CNOT1: variants seen among roughly 807,000 people sequenced by gnomAD.
The protein encoded by CNOT1 is CCR4-NOT transcription complex subunit 1, also known as CCR4-associated factor 1.
A neutral mutation model predicts 273.8 loss-of-function variants in CNOT1; 15 were observed. That is an observed-to-expected ratio of 0.05 (90% confidence interval 0.04 to 0.08). The LOEUF (loss-of-function observed/expected upper bound fraction) is 0.08. CNOT1 is among the 10% of genes least tolerant of loss of function. CNOT1 has a pLI of 1.00. For synonymous variants in CNOT1, 1,022 were observed against 1,005.5 expected (o/e 1.02, Z -0.31); for missense variants, 1,644 against 2,912.2 (o/e 0.56, Z 10.02).
At chr16:58,582,924 T>A in intron 9 of CNOT1, 21 bp from the exon 10 acceptor site, 1 of 1,613,516 alleles carries the variant, frequency 6.2e-7, no homozygotes, top group African/African-American at 1.3e-5. Flanking sequence ...AAAACTTGAA[T>A]TAAACAAACC....
chr16:58,607,108 T>C (rs956211487), intron 1 of CNOT1, among the ~76,000 whole-genome samples: 2 of 152,208 alleles, frequency 1.3e-5, no homozygotes, highest in African/African-American at 4.8e-5. Context: ...TGCAGAACTC[T>C]TGAATAGCAT....
intron 16 of CNOT1, among the ~76,000 whole-genome samples, chr16:58,573,687 TAGTC>T (rs1335216753): frequency 6.6e-6 from 1 of 151,894 alleles, no homozygotes; most frequent in African/African-American, 2.4e-5. Flanking sequence ...TTCACCGTGT[TAGTC>T]AGGATGGTCT....
At chr16:58,590,785 A>C (rs888361605) in intron 2 of CNOT1, among the ~76,000 whole-genome samples, 1 of 152,198 alleles carries the variant, frequency 6.6e-6, no homozygotes, top group African/African-American at 2.4e-5. Context: ...ATAAAACAAA[A>C]AAGAACAGAA....
At chr16:58,551,552 A>G (rs2040450253) in intron 23 of CNOT1, 37 bp downstream of exon 23, 1 of 1,587,782 alleles carries the variant, frequency 6.3e-7, no homozygotes, top group Non-Finnish European at 8.6e-7. Flanking sequence ...CAATATAATC[A>G]TAAATCCTGG....
At position 58,575,076 on chromosome 16, in the gene CNOT1, A is replaced by C; in HGVS notation, c.1758T>G (p.Ala586=). Residue 586 remains alanine (A), a synonymous_variant, in exon 15 of 49, where the codon GCT becomes GCG. Coordinates refer to ENST00000317147, the MANE Select transcript of CNOT1 (RefSeq NM_016284.5). ...GGTATTCACGACGTGAAGCAAGTGC[A>C]GCAAGGTCAATAACAAAGGCAAATG... ...GTPFAFVIDL[A]ALASRREYLK... The C allele has an allele frequency of 6.2e-7, 1 of 1,614,184 alleles. No individual in the cohort carries two copies. The highest frequency in any genetic ancestry group is 8.5e-7 in the Non-Finnish European group (1 of 1,180,018).
At chr16:58,604,440 CAGAT>C (rs2042589120) in intron 1 of CNOT1, among the ~76,000 whole-genome samples, 1 of 151,910 alleles carries the variant, frequency 6.6e-6, no homozygotes, top group African/African-American at 2.4e-5. Context: ...GCCAGGGACT[CAGAT>C]AGTTTTAATG....
intron 42 of CNOT1, among the ~76,000 whole-genome samples, chr16:58,531,624 C>T (rs1292037126): frequency 6.6e-6 from 1 of 152,058 alleles, no homozygotes; most frequent in East Asian, 1.9e-4. Flanking sequence ...CAAAAAAACC[C>T]TTAACTGACA....
At chr16:58,538,120 T>C (rs2039975842) in intron 37 of CNOT1, 38 bp downstream of exon 37, 3 of 1,611,166 alleles carry the variant, frequency 1.9e-6, no homozygotes, top group Non-Finnish European at 2.5e-6. Flanking sequence ...CGTACTTCCC[T>C]GAGTCCTTTT....
chr16:58,587,156 A>AT, intron 6 of CNOT1, 45 bp downstream of exon 6: 2 of 1,596,204 alleles, frequency 1.3e-6, no homozygotes, highest in Non-Finnish European at 1.7e-6. Flanking sequence ...AAACCCACGT[A>AT]TTTTAAAGTC....
chr16:58,568,560 T>C (rs1370779336), intron 16 of CNOT1, among the ~76,000 whole-genome samples: 1 of 150,224 alleles, frequency 6.7e-6, no homozygotes, highest in Non-Finnish European at 1.5e-5. Context: ...GGCATGCTCC[T>C]GTAATCCCAG....
At chr16:58,555,054 T>G (rs1252176384) in intron 21 of CNOT1, among the ~76,000 whole-genome samples, 197 bp downstream of exon 21, 1 of 151,484 alleles carries the variant, frequency 6.6e-6, no homozygotes, top group Non-Finnish European at 1.5e-5. Context: ...GTACAAAAAT[T>G]ACAAAAGGCT....
chr16:58,616,027 A>G (rs1295947560), intron 1 of CNOT1, among the ~76,000 whole-genome samples: 3 of 123,836 alleles, frequency 2.4e-5, no homozygotes, highest in Admixed American at 1.6e-4. Flanking sequence ...AGCTATGATC[A>G]GGCCATTGTC....
At chr16:58,614,048 C>G (rs534761235) in intron 1 of CNOT1, among the ~76,000 whole-genome samples, 2 of 108,786 alleles carry the variant, frequency 1.8e-5, no homozygotes, top group Admixed American at 1.9e-4. Context: ...GCCAAGATCG[C>G]GCCACTGCAC....
chr16:58,586,040 A>G (rs1285638093), intron 7 of CNOT1, among the ~76,000 whole-genome samples: 3 of 151,126 alleles, frequency 2.0e-5, no homozygotes, highest in Non-Finnish European at 4.4e-5. Flanking sequence ...GCAACAAAAT[A>G]ACTAGGATTT....
intron 16 of CNOT1, among the ~76,000 whole-genome samples, chr16:58,561,925 A>G (rs556079271): frequency 6.6e-6 from 1 of 152,150 alleles, no homozygotes. Context: ...CTATAATCCT[A>G]GCACTCTGGG....
intron 7 of CNOT1, among the ~76,000 whole-genome samples, chr16:58,586,128 A>C (rs2041826954): frequency 6.8e-6 from 1 of 147,470 alleles, no homozygotes; most frequent in Admixed American, 6.9e-5. Context: ...AGCTAAAAAT[A>C]GCATGTAAGG....
chr16:58,619,901 T>C (rs1398535984), intron 1 of CNOT1, among the ~76,000 whole-genome samples: 1 of 151,932 alleles, frequency 6.6e-6, no homozygotes, highest in Non-Finnish European at 1.5e-5. Context: ...TGCCAAGATG[T>C]AAATAGTTTA....
At chr16:58,572,734 C>T (rs2151961213) in intron 16 of CNOT1, among the ~76,000 whole-genome samples, 1 of 151,714 alleles carries the variant, frequency 6.6e-6, no homozygotes, top group Admixed American at 6.6e-5. Flanking sequence ...ATGGTGAAAC[C>T]CCATCTCTAC....
chr16:58,521,069 TA>T, intron 48 of CNOT1, 33 bp from the exon 49 acceptor site: 1 of 1,613,982 alleles, frequency 6.2e-7, no homozygotes. Flanking sequence ...AATCTCTGAT[TA>T]AAGAGTAGGC....
Sources: allele counts gnomAD v4.1 joint callset (sites outside exome capture counted in the v4.1 genomes callset), GRCh38; gene constraint gnomAD v4.1.1; transcripts MANE v1.5; gene names NCBI Gene and HGNC (gene_info 2026-07-23, HGNC 2026-07-21).